Variants in NDUFA10 observed in about 807,000 individuals in gnomAD.
The protein encoded by NDUFA10 is NADH:ubiquinone oxidoreductase subunit A10, also known as NADH dehydrogenase [ubiquinone] 1 alpha subcomplex subunit 10, mitochondrial.
A neutral mutation model predicts 47.8 loss-of-function variants in NDUFA10; 40 were observed. The observed-to-expected ratio is 0.84, with a 90% CI of 0.65 to 1.09. NDUFA10 has a LOEUF of 1.09. Ranked by LOEUF, NDUFA10 falls within the 50% of genes least tolerant of loss-of-function variation. The pLI is 0.00. For missense variants in NDUFA10, 413 were observed against 451.1 expected (o/e 0.92, Z 0.76); for synonymous variants, 183 against 172.2 (o/e 1.06, Z -0.49).
chr2:239,920,051 A>T (rs1377291156), intron 4 of NDUFA10, among the ~76,000 whole-genome samples: 1 of 152,054 alleles, frequency 6.6e-6, no homozygotes, highest in Non-Finnish European at 1.5e-5. Context: ...CTTCCCCCCC[A>T]TTCATATGTT....
intron 4 of NDUFA10, among the ~76,000 whole-genome samples, chr2:239,908,465 C>T (rs577957139): frequency 6.6e-6 from 1 of 152,156 alleles, no homozygotes; most frequent in African/African-American, 2.4e-5. Flanking sequence ...ACGGTGCTCC[C>T]AGACTTGAGA....
At chr2:239,910,167 A>G (rs1161153923) in intron 4 of NDUFA10, among the ~76,000 whole-genome samples, 1 of 152,182 alleles carries the variant, frequency 6.6e-6, no homozygotes, top group Non-Finnish European at 1.5e-5. Context: ...CGATTCCTCA[A>G]AGATCCAGAA....
At chr2:239,946,798 G>C (rs761694085) in intron 4 of NDUFA10, among the ~76,000 whole-genome samples, 19 of 152,366 alleles carry the variant, frequency 1.2e-4, no homozygotes, top group Non-Finnish European at 2.4e-4. Flanking sequence ...TGAGGCTCCT[G>C]CAGGCAGAGA....
At chr2:239,956,150 G>A (rs193285675), downstream of NDUFA10, among the ~76,000 whole-genome samples, 506 of 152,278 alleles carry the variant, frequency 3.3e-3, 2 homozygotes, top group Middle Eastern at 6.8e-3. Context: ...CCCCTCCCAC[G>A]GGTGCAACCC....
rs374814508 is a variant in NDUFA10, at chr2:239,939,803, T to C, written c.295-44489A>G. Reference sequence around the variant, plus strand: ...CTGGAAGCACAGCTATGCCTGGCCCTGGGGACGGTCAGAACGCTGATAATC... The same window carrying C: ...CTGGAAGCACAGCTATGCCTGGCCCCGGGGACGGTCAGAACGCTGATAATC... On this transcript the variant is annotated intron_variant, in intron 4 of 5. Transcript: ENST00000419408. Among the ~76,000 whole-genome samples the C allele has an allele frequency of 8.5e-5, 13 of 152,330 alleles. No individual in the cohort carries two copies. The East Asian group carries it at 1.9e-3, about 23-fold the overall frequency.
At chr2:240,024,642 T>A (rs962615569) in intron 1 of NDUFA10, among the ~76,000 whole-genome samples, 6 of 152,206 alleles carry the variant, frequency 3.9e-5, no homozygotes, top group Non-Finnish European at 5.9e-5. Flanking sequence ...ATGCACATTT[T>A]AAAAAACGCA....
chr2:239,965,337 A>T (rs1373982557), intron 9 of NDUFA10, among the ~76,000 whole-genome samples: 1 of 152,120 alleles, frequency 6.6e-6, no homozygotes, highest in African/African-American at 2.4e-5. Flanking sequence ...AGCATCTCAC[A>T]CCAGGAAAAT....
intron 8 of NDUFA10, among the ~76,000 whole-genome samples, chr2:240,004,270 C>G (rs1696850083): frequency 6.6e-6 from 1 of 152,174 alleles, no homozygotes; most frequent in Non-Finnish European, 1.5e-5. Flanking sequence ...GAGGCCGTCT[C>G]CTTGGCAGGA....
chr2:240,020,188 A>G (rs1697562002), intron 3 of NDUFA10, among the ~76,000 whole-genome samples: 1 of 152,242 alleles, frequency 6.6e-6, no homozygotes, highest in Non-Finnish European at 1.5e-5. Context: ...ACTCCCAGTG[A>G]AAACCACATT....
At position 239,959,755 on chromosome 2, in the gene NDUFA10, A is replaced by G. The variant is rs1694772076; in HGVS notation, c.*1363T>C. On this transcript the variant is annotated 3_prime_UTR_variant, in exon 10 of 10. Transcript: ENST00000252711. ...AGGAAGGAAGAGAAGGAGGGAAGGA[A>G]AGAGGCAGGGAGGAAGGGAAGGGAG... is the stretch of plus-strand genomic sequence containing the variant. 1.4e-6 allele frequency: 1 copy of G among 733,800 alleles called. No individual in the cohort carries two copies. The highest frequency in any genetic ancestry group is 6.1e-5 in the South Asian group (1 of 16,266). 45.5% of individuals were successfully genotyped at this position (733,800 alleles called of 1,614,324 possible).
chr2:239,926,252 C>T (rs1694063766), intron 4 of NDUFA10, among the ~76,000 whole-genome samples: 1 of 152,206 alleles, frequency 6.6e-6, no homozygotes, highest in Admixed American at 6.5e-5. Context: ...CAATTTCCTT[C>T]AATGGGTGAA....
At chr2:240,022,969 T>C (rs1201139048) in intron 1 of NDUFA10, among the ~76,000 whole-genome samples, 1 of 152,172 alleles carries the variant, frequency 6.6e-6, no homozygotes, top group African/African-American at 2.4e-5. Context: ...TTCTCCTTCC[T>C]TCAACTGCAG....
At chr2:239,898,994 T>G (rs1574761618) in intron 4 of NDUFA10, among the ~76,000 whole-genome samples, 1 of 81,898 alleles carries the variant, frequency 1.2e-5, no homozygotes, top group African/African-American at 4.2e-5. Flanking sequence ...TGGAGAGGTG[T>G]GATGGAGAGG....
intron 4 of NDUFA10, among the ~76,000 whole-genome samples, chr2:239,944,397 A>G (rs947040555): frequency 1.3e-5 from 2 of 152,296 alleles, no homozygotes; most frequent in Middle Eastern, 3.4e-3. Flanking sequence ...CCAAGGCTGC[A>G]TCTCTGGCTC....
chr2:239,976,809 G>A (rs933728849), intron 9 of NDUFA10, among the ~76,000 whole-genome samples: 12 of 152,192 alleles, frequency 7.9e-5, no homozygotes, highest in African/African-American at 1.2e-4. Context: ...GGCTGAGAGC[G>A]CTCAGAGTGG....
downstream of NDUFA10, among the ~76,000 whole-genome samples, chr2:239,953,545 G>A (rs934837608): frequency 2.6e-5 from 4 of 152,208 alleles, no homozygotes; most frequent in Non-Finnish European, 5.9e-5. Flanking sequence ...AAACAGGAGG[G>A]TTTCTCACCC....
At chr2:239,985,826 G>A (rs1020900788) in intron 9 of NDUFA10, among the ~76,000 whole-genome samples, 10 of 150,676 alleles carry the variant, frequency 6.6e-5, no homozygotes, top group Non-Finnish European at 1.2e-4. Context: ...CAGCAGAATC[G>A]CTTGAACCTG....
chr2:239,973,319 C>T (rs1459710560), intron 9 of NDUFA10, among the ~76,000 whole-genome samples: 2 of 152,178 alleles, frequency 1.3e-5, no homozygotes, highest in Admixed American at 6.5e-5. Context: ...GTCTGGCCTT[C>T]CGTCTCCCGC....
chr2:240,014,711 C>T (rs1697271497), intron 5 of NDUFA10, 28 bp downstream of exon 5: 2 of 1,614,070 alleles, frequency 1.2e-6, no homozygotes, highest in East Asian at 2.2e-5. Context: ...AATAGAGATG[C>T]TTGGCCTTTG....
Sources: gnomAD v4.1 joint callset for allele counts (sites outside exome capture counted in the v4.1 genomes callset) on GRCh38, gnomAD v4.1.1 for gene constraint, MANE v1.5 for transcripts, NCBI Gene and HGNC (gene_info 2026-07-23, HGNC 2026-07-21) for gene names.